The following LHX9 variants were observed in gnomAD, a reference collection of about 807,000 sequenced individuals.
The protein encoded by LHX9 is LIM homeobox 9, also known as LIM/homeobox protein Lhx9.
In LHX9, 9 loss-of-function variants were observed where a neutral mutation model predicts 36.5. The observed-to-expected ratio is 0.25, with a 90% CI of 0.15 to 0.43. The LOEUF is 0.43. Among genes scored for constraint, LHX9 ranks in the 20% least tolerant of loss-of-function variants. The pLI is 1.00. For synonymous variants in LHX9, 211 were observed against 212.1 expected, an observed-to-expected ratio of 0.99 and a Z score of 0.04; for missense variants, 464 against 526.4, an observed-to-expected ratio of 0.88 and a Z score of 1.16.
Position 197,921,460 on chromosome 1 carries a change from C to G in LHX9, c.534C>G (p.Asp178Glu). 3.7e-6 allele frequency: 6 copies of G among 1,614,226 alleles called. No homozygotes were observed. The highest frequency in any genetic ancestry group is 5.1e-6 in the Non-Finnish European group (6 of 1,180,058). The change falls in exon 3 of 5, where the codon GAC becomes GAG. Residue 178 changes from aspartate to glutamate, a missense_variant. Asp to Glu is a conservative substitution (Grantham distance 45). Coordinates refer to ENST00000367387, the MANE Select transcript of LHX9 (RefSeq NM_020204.3). The surrounding 1 kb of genome is among the most constrained non-coding windows in gnomAD (Gnocchi z 4.6). ...LTTGDHFGMK[D>E]SLVYCRAHFE... ...CGGGCGACCATTTCGGCATGAAGGA[C>G]AGCCTGGTGTACTGCCGCGCCCACT... is the stretch of plus-strand genomic sequence containing the variant.
intron 3 of LHX9, among the ~76,000 whole-genome samples, chr1:197,926,389 C>T (rs993177754): frequency 2.0e-5 from 3 of 152,044 alleles, no homozygotes; most frequent in African/African-American, 4.8e-5. Flanking sequence ...ATATAACTAT[C>T]TGAAGGAAGA....
At chr1:197,928,079 G>T (rs1314565346) in intron 4 of LHX9, among the ~76,000 whole-genome samples, 1 of 152,170 alleles carries the variant, frequency 6.6e-6, no homozygotes, top group African/African-American at 2.4e-5. Context: ...AAATGCGAGT[G>T]ATGTTATTTG....
Position 197,917,508 on chromosome 1 carries a change from G to C in LHX9, c.-316G>C. 7.1e-7 allele frequency: 1 copy of C among 1,406,046 alleles called. No individual in the cohort carries two copies. The highest frequency in any genetic ancestry group is 1.4e-5 in the African/African-American group (1 of 69,664). 87.1% of individuals were successfully genotyped at this position (1,406,046 alleles called of 1,614,324 possible). A position where few individuals can be genotyped will look rare whatever the true frequency, so the allele number is the denominator to read the frequency against. On this transcript the variant is annotated 5_prime_UTR_variant, in exon 1 of 5. Transcript: ENST00000367387. ...ATTTTGTTTTCCTCCCCCCGCTGCA[G>C]TTGTTTCCCATTAGTAACTCGATCT...
At position 197,929,265 on chromosome 1, in the gene LHX9, GT is replaced by G. The variant is rs111260868; in HGVS notation, c.*18del. ...CCTTAACAAACCTTTTCTAACATTG[GT>G]TTTTTTTTTTTAGTTTTTAAATTCT... On this transcript the variant is annotated 3_prime_UTR_variant, in exon 5 of 5. Coordinates refer to ENST00000367387, the MANE Select transcript of LHX9 (RefSeq NM_020204.3). The G allele has an allele frequency of 0.016, 16,070 of 998,316 alleles. 2 individuals carry two copies. Among genetic ancestry groups the G allele is most frequent in the South Asian group, 0.025 (806 of 31,992 alleles). The allele number at this position is 998,316 out of a possible 1,614,324, so 61.8% of individuals were successfully genotyped here.
chr1:197,925,452 A>C (rs549897927), intron 3 of LHX9, among the ~76,000 whole-genome samples: 1 of 152,326 alleles, frequency 6.6e-6, no homozygotes, highest in African/African-American at 2.4e-5. Context: ...TTGTTCAGGA[A>C]AGGTTACATG....
In LHX9 at chr1:197,917,565, C is replaced by G. The variant is rs921308603; in HGVS notation, c.-259C>G. On this transcript the variant is annotated 5_prime_UTR_variant, in exon 1 of 5. Coordinates refer to ENST00000367387, the MANE Select transcript of LHX9 (RefSeq NM_020204.3). ...GCAGTAAGATTCGCCTTCTACGCCT[C>G]TTTTTCCCTCCGCCCGAATTGTTTG... The G allele has an allele frequency of 1.4e-5, 21 of 1,486,804 alleles. 1 individual carries two copies. In the Middle Eastern group the frequency reaches 3.1e-3, roughly 222 times the overall value. The allele number at this position is 1,486,804 out of a possible 1,614,324, so 92.1% of individuals were successfully genotyped here.
chr1:197,917,990 G>T lies in LHX9; in HGVS notation c.167G>T (p.Arg56Leu). 6.2e-7 allele frequency: 1 copy of T among 1,612,912 alleles called. No individual in the cohort carries two copies. The highest frequency in any genetic ancestry group is 1.1e-5 in the South Asian group (1 of 90,982). ...GCCAAAGGCGCCCAGCTCAACGGCC[G>T]CGACGCGGTAAGGAAGGGCTCCGCC... Reference protein sequence around the residue: ...RLAKGAQLNGRDAGMPPLSPE... With the variant: ...RLAKGAQLNGLDAGMPPLSPE... Residue 56 changes from arginine to leucine, a missense_variant, in exon 1 of 5, where the codon CGC (arginine) becomes CTC (leucine). Arg to Leu is a moderately radical substitution (Grantham distance 102, BLOSUM62 -2). Around this residue, in one of 5 missense-constraint regions of LHX9, gnomAD observed 119 missense variants for 102.4 expected, o/e 1.16. Coordinates refer to ENST00000367387, the MANE Select transcript of LHX9 (RefSeq NM_020204.3).
rs926429006 is a variant in LHX9, at chr1:197,921,747, A to T, written c.733+88A>T. 2.8e-5 allele frequency: 33 copies of T among 1,159,304 alleles called. No homozygotes were observed. Among genetic ancestry groups the T allele is most frequent in the Non-Finnish European group, 3.8e-5 (32 of 840,366 alleles). 71.8% of individuals were successfully genotyped at this position (1,159,304 alleles called of 1,614,324 possible). A position where few individuals can be genotyped will look rare whatever the true frequency, so the allele number is the denominator to read the frequency against. ...CCTTCCCCGTCCAAAGTCTTGCTGC[A>T]AGAGTGTGTTTTGCCCAATGCCTCT... On this transcript the variant is annotated intron_variant, in intron 3 of 4. Transcript: ENST00000367387. This position sits in a 1 kb window ranked among gnomAD's most constrained non-coding sequence, Gnocchi z 4.6.
At chr1:197,915,168 C>T (rs1031185769), upstream of LHX9, among the ~76,000 whole-genome samples, 13 of 152,180 alleles carry the variant, frequency 8.5e-5, no homozygotes, top group Admixed American at 5.9e-4. Flanking sequence ...TTTCAAACAC[C>T]CCCATTTGGG....
intron 2 of LHX9, 103 bp downstream of exon 2, chr1:197,920,277 G>C: frequency 1.7e-6 from 2 of 1,143,032 alleles, no homozygotes; most frequent in South Asian, 2.7e-5. Flanking sequence ...GCCCCATTCC[G>C]GGTGCTGTTA....
At chr1:197,922,658 T>C (rs1343592696) in intron 3 of LHX9, among the ~76,000 whole-genome samples, 1 of 152,168 alleles carries the variant, frequency 6.6e-6, no homozygotes, top group Non-Finnish European at 1.5e-5. Context: ...TTGGGGAGCC[T>C]AAGGACCTTA....
In LHX9 at chr1:197,929,495, T is replaced by A. The variant is rs1000640398; in HGVS notation, c.*236T>A. The A allele has an allele frequency of 2.0e-6, 2 of 1,001,972 alleles. No individual in the cohort carries two copies. Among genetic ancestry groups the A allele is most frequent in the Non-Finnish European group, 2.4e-6 (2 of 833,346 alleles). 62.1% of individuals were successfully genotyped at this position (1,001,972 alleles called of 1,614,324 possible). A position where few individuals can be genotyped will look rare whatever the true frequency, so the allele number is the denominator to read the frequency against. ...CAAAGTGTATTTGGATTTAAAAAAATTAATTAGGTCTTTCAGTTGGTAAGG... is the reference window on the plus strand; with the variant it reads ...CAAAGTGTATTTGGATTTAAAAAAAATAATTAGGTCTTTCAGTTGGTAAGG... On this transcript the variant is annotated 3_prime_UTR_variant, in exon 5 of 5. Coordinates refer to ENST00000367387, the MANE Select transcript of LHX9 (RefSeq NM_020204.3).
Position 197,921,291 on chromosome 1 carries a change from T to A in LHX9, c.378-13T>A. ...GCTTCAACTAGCGCCCTGACTCAAC[T>A]CTTTCCTTCCAGAAGGTTCTCTGTG... On this transcript the variant is annotated splice_polypyrimidine_tract_variant and intron_variant, in intron 2 of 4. Coordinates refer to ENST00000367387, the MANE Select transcript of LHX9 (RefSeq NM_020204.3). This position sits in a 1 kb window ranked among gnomAD's most constrained non-coding sequence, Gnocchi z 4.6. 3 of 1,602,016 alleles carry A rather than the reference T, an allele frequency of 1.9e-6. No homozygotes were observed. The highest frequency in any genetic ancestry group is 2.6e-6 in the Non-Finnish European group (3 of 1,172,680).
At chr1:197,919,563 T>C (rs1329765179) in intron 1 of LHX9, among the ~76,000 whole-genome samples, 2 of 152,272 alleles carry the variant, frequency 1.3e-5, no homozygotes, top group Admixed American at 6.5e-5. Flanking sequence ...AAATAACCTG[T>C]GCTCGTTGAA....
At position 197,929,125 on chromosome 1, in the gene LHX9, A is replaced by T. The variant is rs753522044; in HGVS notation, c.1060A>T (p.Thr354Ser). The change falls in exon 5 of 5, where the codon ACT becomes TCT. Residue 354 changes from threonine to serine, a missense_variant. Around this residue, in one of 5 missense-constraint regions of LHX9, gnomAD observed 102 missense variants for 97.0 expected, o/e 1.05. Coordinates refer to ENST00000367387, the MANE Select transcript of LHX9 (RefSeq NM_020204.3). ...GCCCTCAGCAGACAGCGGAGCTCTC[A>T]CTCCACCCGGCACTGCGACCACTTT... ...APPSADSGALTPPGTATTLTD... is the reference protein window; with the variant it reads ...APPSADSGALSPPGTATTLTD... The T allele has an allele frequency of 6.2e-7, 1 of 1,613,448 alleles. No homozygotes were observed. Among genetic ancestry groups the T allele is most frequent in the Non-Finnish European group, 8.5e-7 (1 of 1,179,842 alleles).
chr1:197,924,521 C>T (rs1415012971), intron 3 of LHX9, among the ~76,000 whole-genome samples: 1 of 152,198 alleles, frequency 6.6e-6, no homozygotes, highest in Non-Finnish European at 1.5e-5. Context: ...GAAATGCTAG[C>T]TTGAAATAAA....
intron 3 of LHX9, among the ~76,000 whole-genome samples, chr1:197,926,662 G>C (rs994384306): frequency 2.0e-5 from 3 of 152,128 alleles, no homozygotes; most frequent in African/African-American, 7.2e-5. Flanking sequence ...CTCTCTGCCA[G>C]GCCAGCCAGG....
intron 1 of LHX9, among the ~76,000 whole-genome samples, chr1:197,919,444 C>A (rs984275151): frequency 6.6e-6 from 1 of 152,228 alleles, no homozygotes; most frequent in African/African-American, 2.4e-5. Flanking sequence ...TCAATCAAAA[C>A]AAAGTCGACC....
At chr1:197,917,128 G>A (rs111461395), upstream of LHX9, 3 of 398,060 alleles carry the variant, frequency 7.5e-6, no homozygotes, top group Non-Finnish European at 1.0e-5. Flanking sequence ...GCGCGCGCGC[G>A]CGTGTGTGTG....
Sources: allele counts gnomAD v4.1 joint callset (sites outside exome capture counted in the v4.1 genomes callset), GRCh38; gene constraint gnomAD v4.1.1; regional missense constraint gnomAD v4.1.1; non-coding constraint Gnocchi (gnomAD v3.1); transcripts MANE v1.5; gene names NCBI Gene and HGNC (gene_info 2026-07-23, HGNC 2026-07-21).